The following SATL1 variants were observed in gnomAD, a reference collection of about 807,000 sequenced individuals.
SATL1 encodes spermidine/spermine N1-acetyl transferase like 1.
A neutral mutation model predicts 51.8 loss-of-function variants in SATL1; 47 were observed. The observed-to-expected ratio is 0.91, with a 90% CI of 0.72 to 1.16. The LOEUF (loss-of-function observed/expected upper bound fraction) is 1.16, where lower values mean the gene tolerates loss of function less well. Ranked by LOEUF, SATL1 falls within the 50% of genes most tolerant of loss-of-function variation. The pLI is 0.00. For missense variants in SATL1, 520 were observed against 526.4 expected, an observed-to-expected ratio of 0.99 and a Z score of 0.12; for synonymous variants, 176 against 182.4, an observed-to-expected ratio of 0.97 and a Z score of 0.28.
chrX:85,159,639 GT>G (rs201424740), intron 2 of SATL1, among the ~76,000 whole-genome samples: 6 of 111,150 alleles, frequency 5.4e-5, no homozygotes, highest in East Asian at 2.8e-4. Flanking sequence ...ATTTTACCAT[GT>G]TTTTTTTCAA....
intron 2 of SATL1, among the ~76,000 whole-genome samples, chrX:85,135,333 T>C (rs1409350334): frequency 1.8e-5 from 2 of 110,397 alleles, no homozygotes; most frequent in South Asian, 7.8e-4. Context: ...AACTTAAAAG[T>C]TGAAGAAAAA....
intron 2 of SATL1, among the ~76,000 whole-genome samples, chrX:85,184,434 T>C (rs1258946652): frequency 1.8e-5 from 2 of 111,653 alleles, no homozygotes; most frequent in Admixed American, 9.5e-5. Context: ...TCTCTCTCTC[T>C]ACCTCCTCTT....
At position 85,190,930 on chromosome X, in the gene SATL1, AC is replaced by A. The variant is rs758585793; in HGVS notation, c.-313+33274del. ...GGAATTGAACAATGAGAACACTTGGACACAGGATGGGGAACATCAGACACCG... is the reference window on the plus strand; with the variant it reads ...GGAATTGAACAATGAGAACACTTGGAACAGGATGGGGAACATCAGACACCG... On this transcript the variant is annotated intron_variant, in intron 2 of 7. Coordinates refer to ENST00000644105, the MANE Select transcript of SATL1 (RefSeq NM_001367857.2). Among the ~76,000 whole-genome samples the A allele has an allele frequency of 6.1e-3, 595 of 98,161 alleles. 2 individuals carry two copies. The highest frequency in any genetic ancestry group is 0.015 in the Middle Eastern group (3 of 198). 85.2% of individuals were successfully genotyped at this position (98,161 alleles called of 115,157 possible). A position where few individuals can be genotyped will look rare whatever the true frequency, so the allele number is the denominator to read the frequency against.
At chrX:85,148,207 T>G (rs1457971966) in intron 2 of SATL1, among the ~76,000 whole-genome samples, 1 of 111,187 alleles carries the variant, frequency 9.0e-6, no homozygotes, top group Non-Finnish European at 1.9e-5. Context: ...TGCAATCAAC[T>G]GGAAGAAAGG....
intron 2 of SATL1, among the ~76,000 whole-genome samples, chrX:85,214,786 A>G (rs1050812163): frequency 4.5e-5 from 5 of 111,651 alleles, no homozygotes; most frequent in African/African-American, 1.6e-4. Context: ...GCCCTACACA[A>G]TTCCAAAACC....
intron 4 of SATL1, among the ~76,000 whole-genome samples, chrX:85,100,524 C>T (rs1400107767): frequency 3.6e-5 from 4 of 111,833 alleles, no homozygotes; most frequent in Admixed American, 2.9e-4. Context: ...AGCTATAAAA[C>T]ATTGCTCAAA....
chrX:85,094,037 C>T (rs1924607712), intron 6 of SATL1, 91 bp downstream of exon 6: 2 of 457,228 alleles, frequency 4.4e-6, no homozygotes, highest in East Asian at 3.9e-5. Context: ...TTAACTAAAA[C>T]ACCGTATGTA....
rs189551786 is a variant in SATL1 at position 85,123,415 on chromosome X, A to G, written c.-312-14135T>C. Among the ~76,000 whole-genome samples, 31 of 111,535 alleles carry G rather than the reference A, an allele frequency of 2.8e-4. No homozygotes were observed. In the East Asian group the frequency reaches 8.2e-3, roughly 29 times the overall value. ...ATTTGTATTTTTCTAATGATCAGTG[A>G]TATCAAGCATGTTTTCATATGCTTG... On this transcript the variant is annotated intron_variant, in intron 2 of 7. Transcript: ENST00000644105.
At chrX:85,232,716 G>T (rs1179310195) in intron 1 of SATL1, among the ~76,000 whole-genome samples, 3 of 111,634 alleles carry the variant, frequency 2.7e-5, no homozygotes, top group Non-Finnish European at 5.7e-5. Flanking sequence ...CCTGTGAAAA[G>T]AAAAGGGAAA....
chrX:85,243,742 T>C lies in SATL1; in HGVS notation c.-589A>G, dbSNP rs1439441119. 1.8e-5 allele frequency: 2 copies of C among 109,129 alleles called. No individual in the cohort carries two copies. The highest frequency in any genetic ancestry group is 6.7e-5 in the African/African-American group (2 of 29,865). The allele number at this position is 109,129 out of a possible 1,213,427, so 9.0% of individuals were successfully genotyped here. A position where few individuals can be genotyped will look rare whatever the true frequency, so the allele number is the denominator to read the frequency against. On this transcript the variant is annotated 5_prime_UTR_variant, in exon 1 of 8. Coordinates refer to ENST00000644105, the MANE Select transcript of SATL1 (RefSeq NM_001367857.2). ...CTTGGGAAACCTGGAAAACAGAAAA[T>C]CTTCCCACAGAAACTCCTCAGGGGC...
chrX:85,094,188 C>T lies in SATL1; in HGVS notation c.1816G>A (p.Asp606Asn). Residue 606 changes from aspartate to asparagine, a missense_variant, in exon 6 of 8, where the codon GAC becomes AAC. Asp to Asn is a conservative substitution (Grantham distance 23). This residue lies in a region of SATL1 where 488 missense variants were observed against 474.3 expected (regional missense o/e 1.03). Transcript: ENST00000644105. ...TAAAGTACCTTGCCAGTCCATGAGT[C>T]GTATGTAAAGTAGTACATGGCAAAT... is the stretch of plus-strand genomic sequence containing the variant. ...VGFAMYYFTYDSWTGKVLYLE... is the reference protein window; with the variant it reads ...VGFAMYYFTYNSWTGKVLYLE... 5.9e-6 allele frequency: 7 copies of T among 1,194,269 alleles called. No homozygotes were observed. The highest frequency in any genetic ancestry group is 2.3e-4 in the Middle Eastern group (1 of 4,304).
At chrX:85,101,309 C>A (rs764793501) in intron 4 of SATL1, among the ~76,000 whole-genome samples, 2 of 111,963 alleles carry the variant, frequency 1.8e-5, no homozygotes, top group Admixed American at 1.9e-4. Flanking sequence ...GGATTAATAT[C>A]CAGACTATAT....
intron 2 of SATL1, among the ~76,000 whole-genome samples, chrX:85,170,106 T>C (rs780453758): frequency 9.1e-6 from 1 of 110,243 alleles, no homozygotes; most frequent in Non-Finnish European, 1.9e-5. Context: ...AGGGGAACAA[T>C]AGATACTGGG....
intron 2 of SATL1, among the ~76,000 whole-genome samples, chrX:85,176,750 G>A (rs966303482): frequency 9.0e-6 from 1 of 111,324 alleles, no homozygotes; most frequent in Non-Finnish European, 1.9e-5. Context: ...TGGGAACTGA[G>A]TGGTTGGAGA....
At chrX:85,152,274 C>T (rs1275322632) in intron 2 of SATL1, among the ~76,000 whole-genome samples, 1 of 111,472 alleles carries the variant, frequency 9.0e-6, no homozygotes, top group African/African-American at 3.3e-5. Flanking sequence ...GAGATACCAT[C>T]TCACACCAGT....
In SATL1 at chrX:85,094,931, G is replaced by T; in HGVS notation, c.1759C>A (p.Gln587Lys). Residue 587 changes from glutamine to lysine, a missense_variant, in exon 5 of 8, where the codon CAA (glutamine) becomes AAA (lysine). Gln to Lys is a moderately conservative substitution (Grantham distance 53). Around this residue, in one of 3 missense-constraint regions of SATL1, gnomAD observed 488 missense variants for 474.3 expected, o/e 1.03. Transcript: ENST00000644105. ...FYCLIAEVND[Q>K]QKPSGKLTVG... The stretch of plus-strand genomic sequence containing the variant: ...TTTACTCTACCTGATGGTTTTTGTT[G>T]ATCGTTTACTTCTGCAATCAGGCAG... 2 of 1,179,336 alleles carry T rather than the reference G, an allele frequency of 1.7e-6. No homozygotes were observed. Among genetic ancestry groups the T allele is most frequent in the Non-Finnish European group, 2.3e-6 (2 of 868,576 alleles).
In SATL1 at chrX:85,150,536, C is replaced by T. The variant is rs754928859; in HGVS notation, c.-312-41256G>A. On this transcript the variant is annotated intron_variant, in intron 2 of 7. Transcript: ENST00000644105. ...AAAAAAGAGAATTTTAGACCAATATCCTTGATGAACATTGATGCAAAAATC... is the reference window on the plus strand; with the variant it reads ...AAAAAAGAGAATTTTAGACCAATATTCTTGATGAACATTGATGCAAAAATC... Among the ~76,000 whole-genome samples, 12 of 110,431 alleles carry T rather than the reference C, an allele frequency of 1.1e-4. No individual in the cohort carries two copies. The East Asian group carries it at 3.4e-3, about 32-fold the overall frequency.
At chrX:85,208,439 C>T (rs372885566) in intron 2 of SATL1, among the ~76,000 whole-genome samples, 30 of 111,507 alleles carry the variant, frequency 2.7e-4, no homozygotes, top group East Asian at 2.5e-3. Context: ...CCGGGCCAAA[C>T]GGTAATTCTA....
intron 1 of SATL1, among the ~76,000 whole-genome samples, chrX:85,242,892 G>A (rs773840785): frequency 8.9e-6 from 1 of 111,951 alleles, no homozygotes; most frequent in Non-Finnish European, 1.9e-5. Context: ...GGGCTACAAT[G>A]GCAGAGCAGA....
Sources: allele counts gnomAD v4.1 joint callset (sites outside exome capture counted in the v4.1 genomes callset), GRCh38; gene constraint gnomAD v4.1.1; regional missense constraint gnomAD v4.1.1; transcripts MANE v1.5; gene names NCBI Gene and HGNC (gene_info 2026-07-23, HGNC 2026-07-21).